Variants in SEC11C observed in about 807,000 individuals in gnomAD.
SEC11C encodes signal peptidase complex catalytic subunit SEC11C.
In SEC11C, 10 loss-of-function variants were observed where a neutral mutation model predicts 21.9. The ratio of observed to expected loss-of-function variants is 0.46; its 90% confidence interval spans 0.28 to 0.77. The LOEUF (loss-of-function observed/expected upper bound fraction) is 0.77, where lower values mean the gene tolerates loss of function less well. Ranked by LOEUF, SEC11C falls within the 30% of genes least tolerant of loss-of-function variation. The pLI is 0.12. For missense variants in SEC11C, 145 were observed against 244.5 expected (o/e 0.59, Z 2.71); for synonymous variants, 83 against 85.6 (o/e 0.97, Z 0.17).
At chr18:59,154,614 G>A (rs112626327) in intron 3 of SEC11C, among the ~76,000 whole-genome samples, 3,403 of 152,282 alleles carry the variant, frequency 0.022, 130 homozygotes, top group African/African-American at 0.078. Flanking sequence ...CAGTGGTGAA[G>A]GAAATAATGC....
chr18:59,146,044 C>A (rs2069271554), intron 1 of SEC11C, among the ~76,000 whole-genome samples: 1 of 152,226 alleles, frequency 6.6e-6, no homozygotes, highest in South Asian at 2.1e-4. Flanking sequence ...TGAAGTGGCG[C>A]ATGACCGCCC....
At position 59,143,320 on chromosome 18, in the gene SEC11C, T is replaced by C. The variant is rs1276443035; in HGVS notation, c.87+3285T>C. Among the ~76,000 whole-genome samples the C allele has an allele frequency of 3.0e-5, 4 of 133,342 alleles. No homozygotes were observed. The Admixed American group carries it at 3.5e-4, about 12-fold the overall frequency. The allele number at this position is 133,342 out of a possible 152,430, so 87.5% of individuals were successfully genotyped here. On this transcript the variant is annotated intron_variant, in intron 1 of 5. Transcript: ENST00000587834. ...GTGAGCAGAGATCGCGCCATTGCAC[T>C]CCAGTTTGGGCAACAGAGTGAGACT...
chr18:59,158,636 C>T lies in SEC11C; in HGVS notation c.530C>T (p.Ala177Val), dbSNP rs1370585928. 1 of 1,613,618 alleles carries T rather than the reference C, an allele frequency of 6.2e-7. No individual in the cohort carries two copies. The highest frequency in any genetic ancestry group is 1.1e-5 in the South Asian group (1 of 91,042). ...IMNDYPKFKY[A>V]LLAVMGAYVL... The stretch of plus-strand genomic sequence containing the variant: ...TCCATTGTGTTTTCTTTCCAGTATG[C>T]TCTTTTGGCTGTAATGGGTGCATAT... The change falls in exon 6 of 6, where the codon GCT becomes GTT. Residue 177 changes from alanine to valine, a missense_variant. Physicochemically the swap from Ala to Val is moderately conservative, Grantham distance 64. Coordinates refer to ENST00000587834, the MANE Select transcript of SEC11C (RefSeq NM_033280.4).
Position 59,149,631 on chromosome 18 carries a change from C to G in SEC11C, c.197+9C>G, listed in dbSNP as rs775828750. 6 of 1,580,682 alleles carry G rather than the reference C, an allele frequency of 3.8e-6. No individual in the cohort carries two copies. The East Asian group carries it at 1.3e-4, about 36-fold the overall frequency. ...ATCGTGGTGGTGCTGAGGTAGGTCC[C>G]CCAGGCTGGCCTCCAGCCTCCAACC... On this transcript the variant is annotated intron_variant, in intron 2 of 5. Coordinates refer to ENST00000587834, the MANE Select transcript of SEC11C (RefSeq NM_033280.4).
chr18:59,140,390 C>A (rs11876781), intron 1 of SEC11C, among the ~76,000 whole-genome samples: 38,002 of 152,102 alleles, frequency 0.25, 4,883 homozygotes, highest in South Asian at 0.29. Flanking sequence ...GAAGAGGGAA[C>A]CGATTTCTCT....
chr18:59,144,781 G>T (rs2069251680), intron 1 of SEC11C, among the ~76,000 whole-genome samples: 1 of 150,214 alleles, frequency 6.7e-6, no homozygotes, highest in Admixed American at 6.6e-5. Context: ...GGAAGGGGTT[G>T]CAAGGAGGGT....
At chr18:59,140,889 A>G (rs1277013826) in intron 1 of SEC11C, among the ~76,000 whole-genome samples, 1 of 152,124 alleles carries the variant, frequency 6.6e-6, no homozygotes, top group East Asian at 1.9e-4. Context: ...AAATACGACT[A>G]TGTAGGCTTC....
chr18:59,144,861 T>C (rs767817024), intron 1 of SEC11C, among the ~76,000 whole-genome samples: 2 of 152,226 alleles, frequency 1.3e-5, no homozygotes, highest in South Asian at 2.1e-4. Context: ...TGGAAAATTA[T>C]AGTTTTAAGC....
At chr18:59,145,935 A>G (rs575902857) in intron 1 of SEC11C, among the ~76,000 whole-genome samples, 2 of 152,346 alleles carry the variant, frequency 1.3e-5, no homozygotes, top group South Asian at 4.1e-4. Flanking sequence ...GCTTAGGGGT[A>G]TAGTAAGCGA....
chr18:59,150,896 G>A (rs1305904251), intron 2 of SEC11C, among the ~76,000 whole-genome samples: 1 of 152,044 alleles, frequency 6.6e-6, no homozygotes, highest in Non-Finnish European at 1.5e-5. Context: ...AGATTTCCTG[G>A]CCCTCCTCAA....
chr18:59,153,353 A>G (rs2069381193), intron 3 of SEC11C: 1 of 152,222 alleles, frequency 6.6e-6, no homozygotes, highest in Admixed American at 6.5e-5. Flanking sequence ...GTTACATTTC[A>G]TATACTTGGT....
chr18:59,151,870 G>A (rs755541769), intron 2 of SEC11C, among the ~76,000 whole-genome samples: 2 of 152,134 alleles, frequency 1.3e-5, no homozygotes, highest in Non-Finnish European at 2.9e-5. Flanking sequence ...CCAGCATATC[G>A]CAATTTACTT....
Position 59,145,808 on chromosome 18 carries a change from C to A in SEC11C, c.88-3705C>A, listed in dbSNP as rs1443548116. On this transcript the variant is annotated intron_variant, in intron 1 of 5. Transcript: ENST00000587834. ...AAAATTATACCATATTTTTACTGTG[C>A]CTTTTCTATGTTTAGTTACATAAAT... Among the ~76,000 whole-genome samples the A allele has an allele frequency of 2.0e-5, 3 of 152,146 alleles. No homozygotes were observed. The East Asian group carries it at 5.8e-4, about 29-fold the overall frequency.
At chr18:59,140,442 A>G (rs1413552331) in intron 1 of SEC11C, among the ~76,000 whole-genome samples, 2 of 152,224 alleles carry the variant, frequency 1.3e-5, no homozygotes, top group Admixed American at 6.5e-5. Context: ...TGGAAGAGGC[A>G]GAAAGGCAGG....
At chr18:59,149,668 G>T in intron 2 of SEC11C, 46 bp downstream of exon 2, 2 of 1,279,624 alleles carry the variant, frequency 1.6e-6, no homozygotes, top group Non-Finnish European at 1.1e-6. Flanking sequence ...CCATCACAAG[G>T]CTGCCTTGGG....
intron 1 of SEC11C, among the ~76,000 whole-genome samples, chr18:59,142,608 A>C (rs1189548332): frequency 6.6e-6 from 1 of 152,196 alleles, no homozygotes; most frequent in Non-Finnish European, 1.5e-5. Flanking sequence ...CTTTAGAAGC[A>C]GTGTTTTGTT....
chr18:59,149,471 C>T lies in SEC11C; in HGVS notation c.88-42C>T, dbSNP rs1249150405. ...CCAGCTTCACAGGTTGGTGGATCTT[C>T]TGCTATTGGTTTTCATCGTGGTTTC... On this transcript the variant is annotated intron_variant, in intron 1 of 5. Coordinates refer to ENST00000587834, the MANE Select transcript of SEC11C (RefSeq NM_033280.4). The T allele has an allele frequency of 2.3e-6, 3 of 1,316,120 alleles. No homozygotes were observed. The Admixed American group carries it at 5.1e-5, about 22-fold the overall frequency. The allele number at this position is 1,316,120 out of a possible 1,614,324, so 81.5% of individuals were successfully genotyped here. A position where few individuals can be genotyped will look rare whatever the true frequency, so the allele number is the denominator to read the frequency against.
rs371501449 is a variant in SEC11C, at chr18:59,157,549, T to C, written c.468-59T>C. 4.8e-4 allele frequency: 527 copies of C among 1,106,620 alleles called. 2 individuals are homozygous for C. The highest frequency in any genetic ancestry group is 1.4e-3 in the South Asian group (115 of 80,474). 68.6% of individuals were successfully genotyped at this position (1,106,620 alleles called of 1,614,324 possible). On this transcript the variant is annotated intron_variant, in intron 4 of 5. Transcript: ENST00000587834. ...GACTGATCTATAGTGTTTTCAGATG[T>C]TGCCATCATCATGTTATAAGCAGCT...
At chr18:59,148,034 C>T (rs2069298246) in intron 1 of SEC11C, 1 of 152,218 alleles carries the variant, frequency 6.6e-6, no homozygotes, top group African/African-American at 2.4e-5. Context: ...AAGCAGAGAC[C>T]CACGTGGGGA....
Sources: allele counts gnomAD v4.1 joint callset (sites outside exome capture counted in the v4.1 genomes callset), GRCh38; gene constraint gnomAD v4.1.1; transcripts MANE v1.5; gene names NCBI Gene and HGNC (gene_info 2026-07-23, HGNC 2026-07-21).